RANBP17: variants seen among roughly 807,000 people sequenced by gnomAD.
RANBP17 encodes the protein RAN binding protein 17.
RANBP17 carries 158 observed loss-of-function variants against 141.2 expected under a neutral mutation model. The observed-to-expected ratio is 1.12, with a 90% CI of 0.98 to 1.28. The LOEUF (loss-of-function observed/expected upper bound fraction) is 1.28, where lower values mean the gene tolerates loss of function less well. Among genes scored for constraint, RANBP17 ranks in the 50% most tolerant of loss-of-function variants. The pLI, the probability that RANBP17 is intolerant of heterozygous loss-of-function variation, is 0.00. For synonymous variants in RANBP17, 430 were observed against 450.0 expected (o/e 0.96, Z 0.56); for missense variants, 1,438 against 1,290.7 (o/e 1.11, Z -1.75).
At chr5:171,149,209 C>A (rs777101257) in intron 14 of RANBP17, among the ~76,000 whole-genome samples, 29 of 152,308 alleles carry the variant, frequency 1.9e-4, no homozygotes, top group South Asian at 6.2e-4. Context: ...CATCCCTAAC[C>A]TCTTTTGGAG....
At chr5:171,192,237 G>T (rs1257490812) in intron 18 of RANBP17, among the ~76,000 whole-genome samples, 2 of 152,236 alleles carry the variant, frequency 1.3e-5, no homozygotes, top group Admixed American at 1.3e-4. Flanking sequence ...GGGGATGGGG[G>T]AGTGGGCAGT....
At chr5:170,936,089 C>T (rs909790861) in intron 12 of RANBP17, among the ~76,000 whole-genome samples, 4 of 152,270 alleles carry the variant, frequency 2.6e-5, no homozygotes, top group Non-Finnish European at 2.9e-5. Flanking sequence ...TGGGACCCTC[C>T]GAGCTAGGTG....
intron 14 of RANBP17, among the ~76,000 whole-genome samples, chr5:171,111,385 G>A (rs920600773): frequency 6.6e-6 from 1 of 152,054 alleles, no homozygotes; most frequent in Non-Finnish European, 1.5e-5. Context: ...ATCTTCCTAT[G>A]TTCTTTTGAA....
chr5:171,190,797 A>G (rs1385837409), intron 18 of RANBP17, among the ~76,000 whole-genome samples: 1 of 152,216 alleles, frequency 6.6e-6, no homozygotes, highest in African/African-American at 2.4e-5. Flanking sequence ...AAGGCACTAT[A>G]ACAACGCTTT....
intron 24 of RANBP17, among the ~76,000 whole-genome samples, chr5:171,246,020 A>C (rs1344770187): frequency 6.6e-6 from 1 of 151,952 alleles, no homozygotes; most frequent in African/African-American, 2.4e-5. Context: ...CTGGGATTAC[A>C]GGCATGTGCC....
chr5:171,089,936 G>A (rs1435460868), intron 14 of RANBP17, among the ~76,000 whole-genome samples: 1 of 152,214 alleles, frequency 6.6e-6, no homozygotes, highest in Non-Finnish European at 1.5e-5. Context: ...GCTCACACTG[G>A]GAGCTGTAGA....
At chr5:171,276,104 G>A (rs76623517) in intron 25 of RANBP17, among the ~76,000 whole-genome samples, 2,921 of 152,310 alleles carry the variant, frequency 0.019, 40 homozygotes, top group Middle Eastern at 0.031. Context: ...ACCTGCTACT[G>A]GTGCACAGCA....
At chr5:170,862,831 A>G (rs754055965) in intron 1 of RANBP17, among the ~76,000 whole-genome samples, 2 of 152,220 alleles carry the variant, frequency 1.3e-5, no homozygotes, top group African/African-American at 4.8e-5. Context: ...AAAGGATGAC[A>G]TCTTACTATC....
At position 171,214,949 on chromosome 5, in the gene RANBP17, GT is replaced by G. The variant is rs1561771033; in HGVS notation, c.2339+1212del. ...CAGAACATGCAGGTTTGTTACATAG[GT>G]ATACATGTGCCATGGTGGTTTGCTG... is the stretch of plus-strand genomic sequence containing the variant. On this transcript the variant is annotated intron_variant, in intron 21 of 27. Coordinates refer to ENST00000523189, the MANE Select transcript of RANBP17 (RefSeq NM_022897.5). Among the ~76,000 whole-genome samples, 3 of 152,066 alleles carry G rather than the reference GT, an allele frequency of 2.0e-5. No homozygotes were observed. The East Asian group carries it at 5.8e-4, about 29-fold the overall frequency.
chr5:171,265,709 C>T lies in RANBP17; in HGVS notation c.2805C>T (p.Thr935=). The change falls in exon 25 of 28, where the codon ACC becomes ACT. Residue 935 remains threonine, a synonymous_variant. Coordinates refer to ENST00000523189, the MANE Select transcript of RANBP17 (RefSeq NM_022897.5). ...CAGTTGTCTCCTCCAGCTGCTGTAC[C>T]AGTTTAGACTACATCGTCACCTACC... The part of the protein sequence containing the change: ...LDTVVSSSCC[T]SLDYIVTYLF... 1.2e-6 allele frequency: 2 copies of T among 1,613,438 alleles called. No individual in the cohort carries two copies. Among genetic ancestry groups the T allele is most frequent in the Non-Finnish European group, 1.7e-6 (2 of 1,179,806 alleles).
chr5:171,012,428 A>G (rs184226996), intron 14 of RANBP17, among the ~76,000 whole-genome samples: 6 of 152,088 alleles, frequency 3.9e-5, no homozygotes, highest in African/African-American at 1.2e-4. Flanking sequence ...TGGTTTACAT[A>G]AGCCCTTGCT....
At position 171,298,875 on chromosome 5, in the gene RANBP17, A is replaced by G. The variant is rs377709162; in HGVS notation, c.*17A>G. On this transcript the variant is annotated 3_prime_UTR_variant, in exon 28 of 28. Transcript: ENST00000523189. The stretch of plus-strand genomic sequence containing the variant: ...ATGAGCTGACCCGACTTTTCTGACC[A>G]TGTGCGGAGCAGCCTTTATCAAGAG... 13 of 1,602,786 alleles carry G rather than the reference A, an allele frequency of 8.1e-6. No homozygotes were observed. Among genetic ancestry groups the G allele is most frequent in the African/African-American group, 1.3e-5 (1 of 74,852 alleles).
chr5:171,191,602 G>A (rs1202090779), intron 18 of RANBP17, among the ~76,000 whole-genome samples: 1 of 152,042 alleles, frequency 6.6e-6, no homozygotes, highest in East Asian at 1.9e-4. Context: ...CAGGAGAATG[G>A]CGTGAACCCC....
In RANBP17 at chr5:170,955,861, C is replaced by T. The variant is rs192792552; in HGVS notation, c.1574+2159C>T. On this transcript the variant is annotated intron_variant, in intron 13 of 27. Coordinates refer to ENST00000523189, the MANE Select transcript of RANBP17 (RefSeq NM_022897.5). The stretch of plus-strand genomic sequence containing the variant: ...ATCTCAGAGATCTTAATATTTTGCT[C>T]CTCATTTTGAAAATGTTTTCTCTGT... Among the ~76,000 whole-genome samples, 803 of 148,256 alleles carry T rather than the reference C, an allele frequency of 5.4e-3. 5 individuals are homozygous for T. Among genetic ancestry groups the T allele is most frequent in the Non-Finnish European group, 8.4e-3 (565 of 67,040 alleles).
chr5:171,045,839 T>C (rs1033634376), intron 14 of RANBP17, among the ~76,000 whole-genome samples: 3 of 151,934 alleles, frequency 2.0e-5, no homozygotes, highest in South Asian at 2.1e-4. Flanking sequence ...AACAAACAAA[T>C]AAATAAATAA....
intron 14 of RANBP17, among the ~76,000 whole-genome samples, chr5:171,154,214 T>A (rs1489383668): frequency 6.6e-6 from 1 of 152,014 alleles, no homozygotes; most frequent in African/African-American, 2.4e-5. Flanking sequence ...TCCTCTTAGT[T>A]GGCACCAAGA....
intron 14 of RANBP17, among the ~76,000 whole-genome samples, chr5:170,980,050 A>C (rs1294590483): frequency 1.3e-5 from 2 of 152,162 alleles, no homozygotes; most frequent in East Asian, 3.9e-4. Flanking sequence ...GAGATGAGGA[A>C]CTGGAGCAAA....
rs949028738 is a variant in RANBP17, at chr5:171,265,847, G to C, written c.2943G>C (p.Gln981His). The C allele has an allele frequency of 6.2e-7, 1 of 1,611,062 alleles. No individual in the cohort carries two copies. Among genetic ancestry groups the C allele is most frequent in the Non-Finnish European group, 8.5e-7 (1 of 1,178,750 alleles). The change falls in exon 25 of 28, where the codon CAG becomes CAC. Residue 981 changes from glutamine (Q) to histidine (H), a missense_variant and splice_region_variant. Coordinates refer to ENST00000523189, the MANE Select transcript of RANBP17 (RefSeq NM_022897.5). ...FMQQNPDVLQ[Q>H]MMSVLMNTIV... ...AGCAAAACCCAGATGTCCTGCAGCA[G>C]GTAACTGGTGGTTGATCACCTGGCT...
intron 12 of RANBP17, among the ~76,000 whole-genome samples, chr5:170,952,079 C>T (rs139085240): frequency 5.4e-4 from 82 of 151,984 alleles, no homozygotes; most frequent in African/African-American, 1.7e-3. Flanking sequence ...CCAAGATACA[C>T]GAGAAGTGGA....
Sources: allele counts gnomAD v4.1 joint callset (sites outside exome capture counted in the v4.1 genomes callset), GRCh38; gene constraint gnomAD v4.1.1; transcripts MANE v1.5; gene names NCBI Gene and HGNC (gene_info 2026-07-23, HGNC 2026-07-21).